Variants in WDR7 observed in about 807,000 individuals in gnomAD.
WDR7 encodes the protein WD repeat-containing protein 7.
WDR7 carries 46 observed loss-of-function variants against 169.4 expected under a neutral mutation model. That is an observed-to-expected ratio of 0.27 (90% CI 0.21 to 0.35). WDR7 has a LOEUF of 0.35. WDR7 is among the 10% of genes least tolerant of loss of function. The probability of loss-of-function intolerance (pLI) is 1.00; values close to 1 mark genes in which losing one functional copy is unlikely to be tolerated. For synonymous variants in WDR7, 612 were observed against 666.8 expected, an observed-to-expected ratio of 0.92 and a Z score of 1.27; for missense variants, 1,534 against 1,859.3, an observed-to-expected ratio of 0.83 and a Z score of 3.22.
chr18:56,832,479 T>A (rs2045329110), intron 20 of WDR7, among the ~76,000 whole-genome samples: 1 of 152,218 alleles, frequency 6.6e-6, no homozygotes, highest in African/African-American at 2.4e-5. Flanking sequence ...AGCACAGCGC[T>A]AGAGCTCTGC....
At chr18:56,886,512 C>A (rs1187478256) in intron 21 of WDR7, among the ~76,000 whole-genome samples, 1 of 152,148 alleles carries the variant, frequency 6.6e-6, no homozygotes, top group Non-Finnish European at 1.5e-5. Context: ...TTGAAATACA[C>A]CAAAATAGAA....
intron 1 of WDR7, among the ~76,000 whole-genome samples, chr18:56,663,552 C>T (rs1354595884): frequency 5.3e-5 from 8 of 152,090 alleles, no homozygotes; most frequent in African/African-American, 1.9e-4. Flanking sequence ...TGGTTCTACA[C>T]ACACAAAATA....
At chr18:56,774,361 C>T (rs886267422) in intron 16 of WDR7, among the ~76,000 whole-genome samples, 2 of 152,018 alleles carry the variant, frequency 1.3e-5, no homozygotes, top group African/African-American at 2.4e-5. Flanking sequence ...TTGTCACACA[C>T]GTTTATTTAT....
chr18:56,773,420 A>G (rs1195924602), intron 16 of WDR7, among the ~76,000 whole-genome samples: 2 of 151,940 alleles, frequency 1.3e-5, no homozygotes, highest in South Asian at 2.1e-4. Context: ...ATGTATTGGT[A>G]TAGCTTTTTG....
chr18:56,675,477 A>G (rs1237596133), intron 2 of WDR7, among the ~76,000 whole-genome samples: 1 of 152,050 alleles, frequency 6.6e-6, no homozygotes, highest in Non-Finnish European at 1.5e-5. Flanking sequence ...TCTATTAGAT[A>G]TAGAATTTTT....
In WDR7 at chr18:56,696,603, A is replaced by G. The variant is rs147027265; in HGVS notation, c.1578+141A>G. On this transcript the variant is annotated intron_variant, in intron 12 of 27. Transcript: ENST00000254442. ...AAACCCTTTCAATTTTAAAACTAAAATAATAGTAACATTTAGGCAAAGTTA... is the reference window on the plus strand; with the variant it reads ...AAACCCTTTCAATTTTAAAACTAAAGTAATAGTAACATTTAGGCAAAGTTA... 3.1e-4 allele frequency: 239 copies of G among 763,354 alleles called. No homozygotes were observed. The African/African-American group carries it at 3.9e-3, about 12-fold the overall frequency. The allele number at this position is 763,354 out of a possible 1,614,324, so 47.3% of individuals were successfully genotyped here. A position where few individuals can be genotyped will look rare whatever the true frequency, so the allele number is the denominator to read the frequency against.
chr18:56,672,418 G>T, intron 1 of WDR7, 79 bp from the exon 2 acceptor site: 97 of 1,005,190 alleles, frequency 9.6e-5, no homozygotes, highest in East Asian at 3.6e-4. Flanking sequence ...TTTTCAAATT[G>T]TTGGTTTTAT....
At chr18:56,822,890 G>C (rs2045122884) in intron 20 of WDR7, among the ~76,000 whole-genome samples, 1 of 152,006 alleles carries the variant, frequency 6.6e-6, no homozygotes, top group African/African-American at 2.4e-5. Context: ...AGTGAACTAT[G>C]TCATTTCAAA....
At chr18:56,929,080 G>C (rs2046845283) in intron 22 of WDR7, among the ~76,000 whole-genome samples, 2 of 152,040 alleles carry the variant, frequency 1.3e-5, no homozygotes, top group African/African-American at 4.8e-5. Context: ...CCAGGAGTTT[G>C]AGACCAGCCT....
At chr18:56,706,382 C>T (rs777084346) in intron 12 of WDR7, among the ~76,000 whole-genome samples, 5 of 152,178 alleles carry the variant, frequency 3.3e-5, no homozygotes, top group African/African-American at 1.2e-4. Flanking sequence ...ATAATGGAAC[C>T]GTCAATTGGT....
In WDR7 at chr18:56,879,871, A is replaced by C. The variant is rs2046080530; in HGVS notation, c.3305-73A>C. On this transcript the variant is annotated intron_variant, in intron 20 of 27. Coordinates refer to ENST00000254442, the MANE Select transcript of WDR7 (RefSeq NM_015285.3). ...TATTCTTTCCGAACGTGCAGTCCTGAATGTTTTTCTAATCATGTGTCTTTT... is the reference window on the plus strand; with the variant it reads ...TATTCTTTCCGAACGTGCAGTCCTGCATGTTTTTCTAATCATGTGTCTTTT... The C allele has an allele frequency of 3.9e-6, 5 of 1,267,172 alleles. No individual in the cohort carries two copies. In the South Asian group the frequency reaches 6.7e-5, roughly 17 times the overall value. The allele number at this position is 1,267,172 out of a possible 1,614,324, so 78.5% of individuals were successfully genotyped here. A position where few individuals can be genotyped will look rare whatever the true frequency, so the allele number is the denominator to read the frequency against.
At chr18:56,668,339 A>G (rs1313599583) in intron 1 of WDR7, among the ~76,000 whole-genome samples, 1 of 152,212 alleles carries the variant, frequency 6.6e-6, no homozygotes, top group African/African-American at 2.4e-5. Context: ...ACATGTGATT[A>G]CCTGAGCCTA....
At chr18:56,927,510 A>G (rs1377631515) in intron 22 of WDR7, among the ~76,000 whole-genome samples, 1 of 152,160 alleles carries the variant, frequency 6.6e-6, no homozygotes, top group Non-Finnish European at 1.5e-5. Flanking sequence ...GCTACTCAGG[A>G]GGCTGAAGGG....
At chr18:56,769,648 T>C (rs1463703126) in intron 16 of WDR7, among the ~76,000 whole-genome samples, 1 of 152,222 alleles carries the variant, frequency 6.6e-6, no homozygotes, top group Non-Finnish European at 1.5e-5. Context: ...CCCAAGCAAG[T>C]TTAAGCAATG....
At chr18:56,667,882 G>A (rs528053969) in intron 1 of WDR7, among the ~76,000 whole-genome samples, 3 of 152,292 alleles carry the variant, frequency 2.0e-5, no homozygotes, top group South Asian at 4.1e-4. Flanking sequence ...GGTAGATGTT[G>A]TGCTAAGCAT....
chr18:56,890,201 G>A (rs1324198315), intron 21 of WDR7, among the ~76,000 whole-genome samples: 1 of 152,128 alleles, frequency 6.6e-6, no homozygotes, highest in African/African-American at 2.4e-5. Flanking sequence ...CCACAACACT[G>A]CACCACTAAA....
chr18:56,935,235 G>A (rs2046941641), intron 22 of WDR7, among the ~76,000 whole-genome samples: 1 of 152,180 alleles, frequency 6.6e-6, no homozygotes, highest in Admixed American at 6.5e-5. Flanking sequence ...ATGCTGTTTA[G>A]TAGATTGGTT....
intron 22 of WDR7, among the ~76,000 whole-genome samples, chr18:56,935,466 C>T (rs964406140): frequency 5.9e-5 from 9 of 152,122 alleles, no homozygotes; most frequent in Non-Finnish European, 1.0e-4. Flanking sequence ...AAATATTCAG[C>T]ACAATATTCG....
At chr18:57,026,856 G>A (rs2048372969) in intron 27 of WDR7, 148 bp from the exon 28 acceptor site, 1 of 801,424 alleles carries the variant, frequency 1.2e-6, no homozygotes, top group Non-Finnish European at 2.0e-6. Context: ...CACACTGAAA[G>A]GAACTTTTGA....
Sources: gnomAD v4.1 joint callset for allele counts (sites outside exome capture counted in the v4.1 genomes callset) on GRCh38, gnomAD v4.1.1 for gene constraint, MANE v1.5 for transcripts, NCBI Gene and HGNC (gene_info 2026-07-23, HGNC 2026-07-21) for gene names.